NAALADL2: variants seen among roughly 807,000 people sequenced by gnomAD.
The protein encoded by NAALADL2 is inactive N-acetylated-alpha-linked acidic dipeptidase-like protein 2.
In NAALADL2, 76 loss-of-function variants were observed where a neutral mutation model predicts 87.2. That is an observed-to-expected ratio of 0.87 (90% CI 0.72 to 1.05). The LOEUF (loss-of-function observed/expected upper bound fraction) is 1.05, where lower values mean the gene tolerates loss of function less well. NAALADL2 is among the 50% of genes least tolerant of loss of function. NAALADL2 has a pLI of 0.00. For missense variants in NAALADL2, 1,089 were observed against 945.8 expected (o/e 1.15, Z -1.99); for synonymous variants, 354 against 331.0 (o/e 1.07, Z -0.75).
intron 2 of NAALADL2, among the ~76,000 whole-genome samples, chr3:174,656,029 A>G (rs893614528): frequency 6.6e-6 from 1 of 152,206 alleles, no homozygotes; most frequent in Non-Finnish European, 1.5e-5. Flanking sequence ...GCCGAGTTTA[A>G]TATTTGTTTA....
chr3:175,689,835 A>G (rs1475538827), intron 11 of NAALADL2, among the ~76,000 whole-genome samples: 4 of 152,106 alleles, frequency 2.6e-5, no homozygotes, highest in African/African-American at 4.8e-5. Context: ...CCCAGGGGGC[A>G]TTATTAGCTA....
rs1343524203 is a variant in NAALADL2 at position 175,460,053 on chromosome 3, A to G, written c.1235-3348A>G. 5 of 430,036 alleles carry G rather than the reference A, an allele frequency of 1.2e-5. No individual in the cohort carries two copies. The Admixed American group carries it at 1.3e-4, about 11-fold the overall frequency. The allele number at this position is 430,036 out of a possible 1,614,324, so 26.6% of individuals were successfully genotyped here. ...TGTTATTGCTATTACAGATTATACT[A>G]CAGAGAGTTGAATTATTCTTGTAGG... On this transcript the variant is annotated intron_variant, in intron 6 of 13. Transcript: ENST00000454872.
chr3:174,859,578 C>T, intron 1 of NAALADL2, 128 bp downstream of exon 1: 1 of 697,738 alleles, frequency 1.4e-6, no homozygotes, highest in Non-Finnish European at 2.5e-6. Context: ...GGTGCCCTGG[C>T]CCTGTTTTTA....
intron 2 of NAALADL2, among the ~76,000 whole-genome samples, chr3:174,701,218 T>C (rs1430443800): frequency 6.6e-6 from 1 of 150,954 alleles, no homozygotes; most frequent in Non-Finnish European, 1.5e-5. Context: ...CAAAATAGTA[T>C]AAAAATGCTT....
chr3:175,334,929 T>G (rs1171532621), intron 5 of NAALADL2, among the ~76,000 whole-genome samples: 1 of 152,178 alleles, frequency 6.6e-6, no homozygotes, highest in Non-Finnish European at 1.5e-5. Flanking sequence ...ATGCCGTTTC[T>G]GCAATCAGTC....
At chr3:175,311,081 A>C (rs905482192) in intron 4 of NAALADL2, among the ~76,000 whole-genome samples, 3 of 152,102 alleles carry the variant, frequency 2.0e-5, no homozygotes, top group African/African-American at 7.2e-5. Context: ...TCACTTCATA[A>C]ACCACCGTAA....
intron 1 of NAALADL2, among the ~76,000 whole-genome samples, chr3:175,018,222 CA>C (rs1560482062): frequency 6.6e-6 from 1 of 151,950 alleles, no homozygotes; most frequent in Non-Finnish European, 1.5e-5. Flanking sequence ...GTATGTAAAA[CA>C]TCCATCAAAT....
chr3:175,619,196 C>G (rs1470461661), intron 10 of NAALADL2, among the ~76,000 whole-genome samples: 2 of 145,808 alleles, frequency 1.4e-5, no homozygotes, highest in Non-Finnish European at 3.0e-5. Flanking sequence ...GAACCAGATT[C>G]TCCTCAGACA....
chr3:174,703,213 C>T (rs1729722249), intron 2 of NAALADL2, among the ~76,000 whole-genome samples: 1 of 151,526 alleles, frequency 6.6e-6, no homozygotes, highest in Non-Finnish European at 1.5e-5. Context: ...GATCTTGGCT[C>T]ATTGTAGCTT....
intron 10 of NAALADL2, among the ~76,000 whole-genome samples, chr3:175,576,866 C>A (rs1169931602): frequency 6.6e-6 from 1 of 152,092 alleles, no homozygotes; most frequent in African/African-American, 2.4e-5. Context: ...TCTAGAATGG[C>A]TTACTTGAGG....
intron 2 of NAALADL2, among the ~76,000 whole-genome samples, chr3:174,621,759 T>C (rs1237873621): frequency 6.6e-6 from 1 of 152,186 alleles, no homozygotes; most frequent in Non-Finnish European, 1.5e-5. Flanking sequence ...CAAAATACTA[T>C]ACTTACGCAG....
At chr3:174,836,914 C>G (rs1031288424) in intron 3 of NAALADL2, among the ~76,000 whole-genome samples, 2 of 151,682 alleles carry the variant, frequency 1.3e-5, no homozygotes, top group African/African-American at 4.8e-5. Flanking sequence ...TTTTTGCAAC[C>G]TTGGGTTCAA....
chr3:175,276,297 ATTTT>A (rs10645974), intron 4 of NAALADL2, among the ~76,000 whole-genome samples: 1 of 133,558 alleles, frequency 7.5e-6, no homozygotes. Context: ...CGCTTTGCAA[ATTTT>A]TTTTTTTTTT....
At chr3:175,514,205 G>A (rs76916554) in intron 9 of NAALADL2, among the ~76,000 whole-genome samples, 1,826 of 152,190 alleles carry the variant, frequency 0.012, 31 homozygotes, top group African/African-American at 0.04. Context: ...ATAAACAGTT[G>A]TAGTTATTTT....
intron 4 of NAALADL2, among the ~76,000 whole-genome samples, chr3:175,317,981 T>C (rs980562681): frequency 1.3e-5 from 2 of 152,132 alleles, no homozygotes; most frequent in East Asian, 1.9e-4. Flanking sequence ...GTTGCAGAGA[T>C]TTTGCTACAA....
At chr3:175,351,244 A>G (rs1186618822) in intron 5 of NAALADL2, among the ~76,000 whole-genome samples, 1 of 152,096 alleles carries the variant, frequency 6.6e-6, no homozygotes, top group African/African-American at 2.4e-5. Flanking sequence ...TGATTTTTAA[A>G]AAAATAGCTG....
chr3:174,814,992 C>T (rs367786306), intron 3 of NAALADL2, among the ~76,000 whole-genome samples: 17 of 152,272 alleles, frequency 1.1e-4, no homozygotes, highest in South Asian at 2.1e-4. Context: ...TTTTATAACA[C>T]GTATTTCTAT....
chr3:174,572,124 C>T (rs568795228), intron 2 of NAALADL2, among the ~76,000 whole-genome samples: 1 of 151,896 alleles, frequency 6.6e-6, no homozygotes, highest in African/African-American at 2.4e-5. Flanking sequence ...CTTCTTCTTC[C>T]TTCTTCTTTC....
At chr3:175,208,843 A>T (rs752092582) in intron 2 of NAALADL2, among the ~76,000 whole-genome samples, 1 of 152,158 alleles carries the variant, frequency 6.6e-6, no homozygotes, top group Non-Finnish European at 1.5e-5. Flanking sequence ...ATTTGGAATA[A>T]ATTTTTATTC....
Sources: gnomAD v4.1 joint callset for allele counts (sites outside exome capture counted in the v4.1 genomes callset) on GRCh38, gnomAD v4.1.1 for gene constraint, MANE v1.5 for transcripts, NCBI Gene and HGNC (gene_info 2026-07-23, HGNC 2026-07-21) for gene names.